The following GALNT17 variants were observed in gnomAD, a reference collection of about 807,000 sequenced individuals.
The protein encoded by GALNT17 is polypeptide N-acetylgalactosaminyltransferase 17.
In GALNT17, 29 loss-of-function variants were observed where a neutral mutation model predicts 63.7. That is an observed-to-expected ratio of 0.46 (90% CI 0.34 to 0.62). GALNT17 has a LOEUF of 0.62. Among genes scored for constraint, GALNT17 ranks in the 20% least tolerant of loss-of-function variants. GALNT17 has a pLI of 0.01. For synonymous variants in GALNT17, 305 were observed against 318.3 expected (o/e 0.96, Z 0.45); for missense variants, 603 against 799.6 (o/e 0.75, Z 2.97).
At chr7:71,592,689 A>T (rs1283386130) in intron 6 of GALNT17, among the ~76,000 whole-genome samples, 2 of 152,164 alleles carry the variant, frequency 1.3e-5, no homozygotes. Flanking sequence ...AACGCCTCTG[A>T]CATCTCTTTA....
chr7:71,286,418 G>A (rs1186013145), intron 1 of GALNT17, among the ~76,000 whole-genome samples: 4 of 152,166 alleles, frequency 2.6e-5, no homozygotes, highest in African/African-American at 4.8e-5. Flanking sequence ...TTACATCTGT[G>A]TAGTGGTTTG....
intron 2 of GALNT17, among the ~76,000 whole-genome samples, chr7:71,382,120 C>G (rs1041768920): frequency 6.6e-6 from 1 of 152,116 alleles, no homozygotes; most frequent in African/African-American, 2.4e-5. Context: ...TGGCTCACGC[C>G]TGTAATCCTA....
chr7:71,660,799 T>C (rs2117037777), intron 6 of GALNT17, among the ~76,000 whole-genome samples: 1 of 152,314 alleles, frequency 6.6e-6, no homozygotes, highest in Admixed American at 6.5e-5. Context: ...ATCTGCTATG[T>C]AGGCCTGGTT....
chr7:71,277,351 C>T (rs894453371), intron 1 of GALNT17, among the ~76,000 whole-genome samples: 4 of 151,878 alleles, frequency 2.6e-5, no homozygotes, highest in Non-Finnish European at 4.4e-5. Flanking sequence ...AAGGAGGGAG[C>T]GAGGGGCATG....
chr7:71,637,208 A>G (rs1790539046), intron 6 of GALNT17, among the ~76,000 whole-genome samples: 1 of 151,950 alleles, frequency 6.6e-6, no homozygotes, highest in Non-Finnish European at 1.5e-5. Context: ...TATTTTTGAG[A>G]CAGAGTCTTG....
chr7:71,236,116 GGTTGCA>G, intron 1 of GALNT17, among the ~76,000 whole-genome samples: 1 of 152,144 alleles, frequency 6.6e-6, no homozygotes, highest in Non-Finnish European at 1.5e-5. Context: ...AGGAGGTGGA[GGTTGCA>G]GTGAGCTGAG....
chr7:71,581,766 A>G (rs892031593), intron 6 of GALNT17, among the ~76,000 whole-genome samples: 1 of 152,316 alleles, frequency 6.6e-6, no homozygotes, highest in Non-Finnish European at 1.5e-5. Context: ...CAGTGGGGAC[A>G]TGAGTAGTTC....
chr7:71,382,087 C>G (rs990520223), intron 2 of GALNT17, among the ~76,000 whole-genome samples: 2 of 152,020 alleles, frequency 1.3e-5, no homozygotes, highest in Non-Finnish European at 2.9e-5. Context: ...ATTAAAAAAA[C>G]AAAACAAAAT....
intron 1 of GALNT17, among the ~76,000 whole-genome samples, chr7:71,153,542 C>A (rs569525201): frequency 5.3e-5 from 8 of 152,188 alleles, no homozygotes; most frequent in Non-Finnish European, 7.4e-5. Context: ...GAGGACTGGT[C>A]AGAGTTGCAT....
chr7:71,278,633 AAT>A (rs1031235579), intron 1 of GALNT17, among the ~76,000 whole-genome samples: 2 of 152,210 alleles, frequency 1.3e-5, no homozygotes, highest in African/African-American at 4.8e-5. Flanking sequence ...GAAAACCTAC[AAT>A]CATGGAGGAA....
chr7:71,477,149 T>C (rs1322511599), intron 5 of GALNT17, among the ~76,000 whole-genome samples: 1 of 152,222 alleles, frequency 6.6e-6, no homozygotes. Context: ...TCATCATCAT[T>C]ATCATCAATC....
intron 6 of GALNT17, among the ~76,000 whole-genome samples, chr7:71,578,949 T>C (rs1789583383): frequency 6.6e-6 from 1 of 152,228 alleles, no homozygotes; most frequent in Non-Finnish European, 1.5e-5. Context: ...GTTGTCCATT[T>C]GGAACTCTCG....
intron 1 of GALNT17, among the ~76,000 whole-genome samples, chr7:71,180,346 ACTC>A (rs1156973360): frequency 6.6e-6 from 1 of 151,600 alleles, no homozygotes; most frequent in Non-Finnish European, 1.5e-5. Context: ...CTGTTCTCAA[ACTC>A]CTGAGCTCAG....
intron 1 of GALNT17, among the ~76,000 whole-genome samples, chr7:71,257,956 G>C (rs1009492755): frequency 5.9e-5 from 9 of 152,128 alleles, no homozygotes; most frequent in Non-Finnish European, 1.0e-4. Context: ...AGCTGTATTT[G>C]ACCTCTGCAT....
chr7:71,428,439 C>A (rs181271597), intron 5 of GALNT17, among the ~76,000 whole-genome samples: 6 of 152,026 alleles, frequency 3.9e-5, no homozygotes, highest in Admixed American at 3.9e-4. Context: ...TGGTGGACAT[C>A]CCTTTTATTA....
chr7:71,638,275 A>T (rs764532839), intron 6 of GALNT17, among the ~76,000 whole-genome samples: 3 of 152,170 alleles, frequency 2.0e-5, no homozygotes, highest in Non-Finnish European at 2.9e-5. Flanking sequence ...CAACTGTTTT[A>T]TCTGCAAGGT....
chr7:71,258,848 G>A (rs941074131), intron 1 of GALNT17, among the ~76,000 whole-genome samples: 5 of 152,204 alleles, frequency 3.3e-5, no homozygotes, highest in Admixed American at 2.0e-4. Context: ...TTTATGCTGA[G>A]TTTTGAGGTA....
chr7:71,698,395 T>G (rs1322603488), intron 9 of GALNT17, among the ~76,000 whole-genome samples: 1 of 152,110 alleles, frequency 6.6e-6, no homozygotes, highest in African/African-American at 2.4e-5. Flanking sequence ...CATAAAATCA[T>G]AAGAATAATG....
At chr7:71,441,086 G>C (rs1344450588) in intron 5 of GALNT17, among the ~76,000 whole-genome samples, 1 of 151,510 alleles carries the variant, frequency 6.6e-6, no homozygotes, top group East Asian at 1.9e-4. Context: ...GCAGTGGCGC[G>C]ATCTTGGCTC....
Sources: allele counts gnomAD v4.1 joint callset (sites outside exome capture counted in the v4.1 genomes callset), GRCh38; gene constraint gnomAD v4.1.1; transcripts MANE v1.5; gene names NCBI Gene and HGNC (gene_info 2026-07-23, HGNC 2026-07-21).